The following TANC2 variants were observed in gnomAD, a reference collection of about 807,000 sequenced individuals.
TANC2 encodes protein TANC2.
TANC2 carries 26 observed loss-of-function variants against 210.5 expected under a neutral mutation model. The observed-to-expected ratio is 0.12, with a 90% CI of 0.09 to 0.17. TANC2 has a LOEUF of 0.17. TANC2 is among the 10% of genes least tolerant of loss of function. The pLI is 1.00. For synonymous variants in TANC2, 931 were observed against 967.1 expected, an observed-to-expected ratio of 0.96 and a Z score of 0.69; for missense variants, 2,129 against 2,608.9, an observed-to-expected ratio of 0.82 and a Z score of 4.01.
rs1269674111 is a variant in TANC2, at chr17:63,047,716, G to A, written c.68-26227G>A. On this transcript the variant is annotated intron_variant, in intron 2 of 27. Coordinates refer to ENST00000689528, the Ensembl canonical transcript of TANC2. ...AGAATAATGGATTTAAAAGTATGTA[G>A]AGGAAGAAAAATATCTTTTCTTCAT... Among the ~76,000 whole-genome samples the A allele has an allele frequency of 4.6e-5, 7 of 152,194 alleles. No individual in the cohort carries two copies. The East Asian group carries it at 1.4e-3, about 29-fold the overall frequency.
At chr17:63,329,265 T>G (rs563577128) in intron 11 of TANC2, among the ~76,000 whole-genome samples, 1 of 152,216 alleles carries the variant, frequency 6.6e-6, no homozygotes, top group African/African-American at 2.4e-5. Context: ...TCTCTTATAT[T>G]TAAAGAACTC....
chr17:63,252,952 C>T (rs750977616), intron 8 of TANC2, among the ~76,000 whole-genome samples: 1 of 152,154 alleles, frequency 6.6e-6, no homozygotes, highest in Non-Finnish European at 1.5e-5. Context: ...CATGGAACTG[C>T]AGATACTAAT....
chr17:63,071,527 GGGT>G (rs2036397699), intron 2 of TANC2, among the ~76,000 whole-genome samples: 1 of 152,138 alleles, frequency 6.6e-6, no homozygotes, highest in Admixed American at 6.5e-5. Flanking sequence ...GAGGGTTATA[GGGT>G]TGGCAGTGTA....
chr17:63,027,715 A>G (rs1268895064), intron 2 of TANC2, among the ~76,000 whole-genome samples: 3 of 152,090 alleles, frequency 2.0e-5, no homozygotes, highest in Non-Finnish European at 4.4e-5. Flanking sequence ...GAACCAAGAA[A>G]TGAGTGCGAT....
At chr17:63,103,844 T>C (rs529513721) in intron 4 of TANC2, among the ~76,000 whole-genome samples, 51 of 152,292 alleles carry the variant, frequency 3.3e-4, no homozygotes, top group African/African-American at 1.2e-3. Flanking sequence ...TGGCATACTC[T>C]TATTAGCTTG....
Position 63,042,098 on chromosome 17 carries a change from A to G in TANC2, c.68-31845A>G, listed in dbSNP as rs115907103. On this transcript the variant is annotated intron_variant, in intron 2 of 27. Transcript: ENST00000689528. ...CTGGAATATAGTTGCAAATTATAGT[A>G]CCAAATATTCAACCCTTCTGTGCGT... Among the ~76,000 whole-genome samples the G allele has an allele frequency of 5.0e-3, 768 of 152,310 alleles. 10 individuals carry two copies. Among genetic ancestry groups the G allele is most frequent in the African/African-American group, 0.018 (733 of 41,572 alleles).
intron 15 of TANC2, among the ~76,000 whole-genome samples, chr17:63,386,143 C>T (rs964361110): frequency 2.6e-5 from 4 of 152,116 alleles, no homozygotes; most frequent in Non-Finnish European, 4.4e-5. Flanking sequence ...TATAAAGATA[C>T]ATGTACATGG....
At chr17:63,251,481 C>G (rs2043051878) in intron 8 of TANC2, among the ~76,000 whole-genome samples, 2 of 152,068 alleles carry the variant, frequency 1.3e-5, no homozygotes, top group South Asian at 4.1e-4. Context: ...CAATATTTGT[C>G]TCATATGCCT....
chr17:63,356,668 GA>G (rs1250314048), intron 14 of TANC2, among the ~76,000 whole-genome samples: 4 of 152,156 alleles, frequency 2.6e-5, no homozygotes, highest in Non-Finnish European at 5.9e-5. Context: ...TGCTGTAGTG[GA>G]AAGAACATAA....
chr17:63,318,119 T>C (rs2045371808), intron 10 of TANC2, among the ~76,000 whole-genome samples: 1 of 152,210 alleles, frequency 6.6e-6, no homozygotes, highest in Admixed American at 6.5e-5. Context: ...TCACTCCTAC[T>C]GGTAAGGAGT....
chr17:63,381,350 GGTGGT>G (rs1449781363), intron 15 of TANC2: 1 of 152,156 alleles, frequency 6.6e-6, no homozygotes. Flanking sequence ...TACAGCATAT[GGTGGT>G]GACGTGACTG....
chr17:63,301,851 C>G (rs1026162389), intron 9 of TANC2, among the ~76,000 whole-genome samples: 1 of 151,988 alleles, frequency 6.6e-6, no homozygotes, highest in Non-Finnish European at 1.5e-5. Context: ...GCTTCTCTAG[C>G]TCTTTTAATT....
rs2048721167 is a variant in TANC2, at chr17:63,412,077, G to A, written c.3845G>A (p.Gly1282Glu). 2.5e-6 allele frequency: 4 copies of A among 1,613,920 alleles called. No homozygotes were observed. Among genetic ancestry groups the A allele is most frequent in the Non-Finnish European group, 3.4e-6 (4 of 1,179,884 alleles). Residue 1282 changes from glycine to glutamate, a missense_variant, in exon 23 of 28, where the codon GGG (glycine) becomes GAG (glutamate). This residue lies in a region of TANC2 where 644 missense variants were observed against 937.5 expected (regional missense o/e 0.69). Transcript: ENST00000689528. The surrounding 1 kb of genome is among the most constrained non-coding windows in gnomAD (Gnocchi z 4.2). ...ATGCGCCCTTTGGATAGGGCAGTGG[G>A]GTGCCGGAACACTTCTGTTGTTGTC...
intron 2 of TANC2, among the ~76,000 whole-genome samples, chr17:63,057,840 G>A (rs767293133): frequency 6.6e-6 from 1 of 152,108 alleles, no homozygotes; most frequent in Non-Finnish European, 1.5e-5. Flanking sequence ...CCATTGATGG[G>A]CATTTAGATT....
At chr17:63,053,229 A>T (rs1389980106) in intron 2 of TANC2, among the ~76,000 whole-genome samples, 1 of 152,218 alleles carries the variant, frequency 6.6e-6, no homozygotes, top group Admixed American at 6.5e-5. Flanking sequence ...GTCTTTGTCC[A>T]TGTCTAGTGA....
At chr17:63,289,608 T>C (rs922737268) in intron 9 of TANC2, among the ~76,000 whole-genome samples, 4 of 152,244 alleles carry the variant, frequency 2.6e-5, no homozygotes, top group Non-Finnish European at 5.9e-5. Flanking sequence ...TGCTGTCTAC[T>C]TTATCCATTA....
rs540059199 is a variant in TANC2, at chr17:63,066,020, TC to T, written c.68-7921del. On this transcript the variant is annotated intron_variant, in intron 2 of 27. Transcript: ENST00000689528. ...TTGACCTCCCAGGCTTAAGTGATCC[TC>T]CTGCTTGTTGTCTGTGAGTCAAGTC... Among the ~76,000 whole-genome samples, 12 of 152,220 alleles carry T rather than the reference TC, an allele frequency of 7.9e-5. No homozygotes were observed. In the South Asian group the frequency reaches 2.3e-3, roughly 29 times the overall value.
At position 63,211,187 on chromosome 17, in the gene TANC2, G is replaced by A. The variant is rs559659047; in HGVS notation, c.769+10230G>A. Among the ~76,000 whole-genome samples, 6 of 152,116 alleles carry A rather than the reference G, an allele frequency of 3.9e-5. No individual in the cohort carries two copies. The East Asian group carries it at 1.2e-3, about 29-fold the overall frequency. On this transcript the variant is annotated intron_variant, in intron 7 of 27. Transcript: ENST00000689528. ...AAAATCAATTACTCATTTGACTCCC[G>A]GTTACCTAAAAGATAAAGTGAACTT...
chr17:63,071,073 C>T (rs2036378316), intron 2 of TANC2, among the ~76,000 whole-genome samples: 5 of 152,072 alleles, frequency 3.3e-5, no homozygotes, highest in Admixed American at 2.0e-4. Flanking sequence ...GAAAATGTAT[C>T]GTATTTTCAC....
Sources: allele counts gnomAD v4.1 joint callset (sites outside exome capture counted in the v4.1 genomes callset), GRCh38; gene constraint gnomAD v4.1.1; regional missense constraint gnomAD v4.1.1; non-coding constraint Gnocchi (gnomAD v3.1); transcripts MANE v1.5; gene names NCBI Gene and HGNC (gene_info 2026-07-23, HGNC 2026-07-21).